The following PCDHA2 variants were observed in gnomAD, a reference collection of about 807,000 sequenced individuals.
PCDHA2 encodes protocadherin alpha-2.
Under a neutral mutation model 66.0 loss-of-function variants are expected in PCDHA2, and 58 were observed. That is an observed-to-expected ratio of 0.88 (90% CI 0.71 to 1.09). The LOEUF (loss-of-function observed/expected upper bound fraction) is 1.09, where lower values mean the gene tolerates loss of function less well. Among genes scored for constraint, PCDHA2 ranks in the 50% least tolerant of loss-of-function variants. PCDHA2 has a pLI of 0.00. For missense variants in PCDHA2, 1,267 were observed against 1,242.3 expected (o/e 1.02, Z -0.30); for synonymous variants, 634 against 554.0 (o/e 1.14, Z -2.03).
intron 1 of PCDHA2, chr5:140,848,990 C>T (rs2150428004): frequency 4.4e-6 from 7 of 1,597,248 alleles, no homozygotes; most frequent in Middle Eastern, 1.7e-4. Flanking sequence ...TCGGGGAGAA[C>T]GCCCTGCTCA....
In PCDHA2 at chr5:141,010,350, G is replaced by A; in HGVS notation, c.*413G>A. The A allele has an allele frequency of 6.6e-7, 1 of 1,515,722 alleles. No individual in the cohort carries two copies. Among genetic ancestry groups the A allele is most frequent in the Non-Finnish European group, 8.8e-7 (1 of 1,132,152 alleles). The allele number at this position is 1,515,722 out of a possible 1,614,324, so 93.9% of individuals were successfully genotyped here. A position where few individuals can be genotyped will look rare whatever the true frequency, so the allele number is the denominator to read the frequency against. ...GGGAGTTTGTGGCCACTGGGTATGT[G>A]TGGCTACCGCGGGTATGCGAGTGCC... is the stretch of plus-strand genomic sequence containing the variant. On this transcript the variant is annotated 3_prime_UTR_variant, in exon 4 of 4. Transcript: ENST00000526136.
chr5:140,858,074 A>T (rs782716439), intron 1 of PCDHA2: 3 of 1,597,640 alleles, frequency 1.9e-6, no homozygotes, highest in Middle Eastern at 1.7e-4. Context: ...CCAGGCACCC[A>T]AGGCCTCGTC....
chr5:140,833,591 A>G (rs1562331795), intron 1 of PCDHA2, among the ~76,000 whole-genome samples: 1 of 152,352 alleles, frequency 6.6e-6, no homozygotes, highest in East Asian at 1.9e-4. Context: ...AACAGTATAT[A>G]TAGATTCTGC....
chr5:140,842,623 G>C, intron 1 of PCDHA2: 1 of 1,579,148 alleles, frequency 6.3e-7, no homozygotes, highest in Non-Finnish European at 8.6e-7. Context: ...GCTCGCCTTC[G>C]CTGTGGGCCA....
intron 1 of PCDHA2, chr5:140,828,856 A>G (rs2150159802): frequency 6.2e-7 from 1 of 1,614,138 alleles, no homozygotes; most frequent in Non-Finnish European, 8.5e-7. Flanking sequence ...TCGAAAATGC[A>G]GACAACGGAA....
At chr5:140,998,287 G>A (rs1209811850) in intron 3 of PCDHA2, among the ~76,000 whole-genome samples, 3 of 152,154 alleles carry the variant, frequency 2.0e-5, no homozygotes, top group Non-Finnish European at 4.4e-5. Flanking sequence ...GATTAAATCA[G>A]ATCACACATT....
At chr5:140,955,716 A>G (rs2095221843) in intron 1 of PCDHA2, among the ~76,000 whole-genome samples, 1 of 152,220 alleles carries the variant, frequency 6.6e-6, no homozygotes, top group African/African-American at 2.4e-5. Flanking sequence ...TAATAGGAAT[A>G]CCATTGAATC....
chr5:140,850,004 G>C lies in PCDHA2; in HGVS notation c.2388+52652G>C. On this transcript the variant is annotated intron_variant, in intron 1 of 3. Transcript: ENST00000526136. Reference sequence around the variant, plus strand: ...TGGAGCGGCGGTTGGGCGAGCGCTCGCTGTCGAGCTACGTGTCAGTGCACG... The same window carrying C: ...TGGAGCGGCGGTTGGGCGAGCGCTCCCTGTCGAGCTACGTGTCAGTGCACG... 3 of 1,596,990 alleles carry C rather than the reference G, an allele frequency of 1.9e-6. 1 individual carries two copies. Among genetic ancestry groups the C allele is most frequent in the Non-Finnish European group, 2.6e-6 (3 of 1,167,858 alleles).
intron 3 of PCDHA2, among the ~76,000 whole-genome samples, chr5:141,003,892 C>T (rs1401621234): frequency 6.6e-6 from 1 of 152,124 alleles, no homozygotes; most frequent in South Asian, 2.1e-4. Context: ...TCTTAACAGG[C>T]CCATTCATTT....
chr5:140,843,487 G>C, intron 1 of PCDHA2: 1 of 1,596,050 alleles, frequency 6.3e-7, no homozygotes, highest in Non-Finnish European at 8.6e-7. Context: ...CTGCGCTGCG[G>C]TGCTCAGCAC....
rs782019485 is a variant in PCDHA2, at chr5:140,808,219, C to G, written c.2388+10867C>G. Reference sequence around the variant, plus strand: ...TTATTGTGGAAGTAGAAGACAACAACGATAATGTCCCAGATTTGGAATTCA... The same window carrying G: ...TTATTGTGGAAGTAGAAGACAACAAGGATAATGTCCCAGATTTGGAATTCA... On this transcript the variant is annotated intron_variant, in intron 1 of 3. Transcript: ENST00000526136. 6 of 1,614,194 alleles carry G rather than the reference C, an allele frequency of 3.7e-6. No homozygotes were observed. The Admixed American group carries it at 1.0e-4, about 27-fold the overall frequency.
chr5:140,820,306 A>G (rs1157181191), intron 1 of PCDHA2, among the ~76,000 whole-genome samples: 3 of 152,010 alleles, frequency 2.0e-5, no homozygotes, highest in Non-Finnish European at 2.9e-5. Flanking sequence ...TTCTATGACA[A>G]TATCTTGTTT....
intron 1 of PCDHA2, chr5:140,807,788 G>T: frequency 6.2e-7 from 1 of 1,614,142 alleles, no homozygotes; most frequent in Non-Finnish European, 8.5e-7. Context: ...GAAATCTTTA[G>T]ACAGAGAAGA....
rs782141581 is a variant in PCDHA2 at position 140,857,357 on chromosome 5, A to G, written c.2388+60005A>G. On this transcript the variant is annotated intron_variant, in intron 1 of 3. Coordinates refer to ENST00000526136, the MANE Select transcript of PCDHA2 (RefSeq NM_018905.3). ...CGGGGGCTCGCCTCCGCTGTGGGCC[A>G]CGGCCAGCGTGTCTGTGGAGGTGGC... 29 of 1,598,430 alleles carry G rather than the reference A, an allele frequency of 1.8e-5. 3 individuals are homozygous for G. Among genetic ancestry groups the G allele is most frequent in the Non-Finnish European group, 2.5e-5 (29 of 1,167,908 alleles).
At chr5:140,877,869 T>G (rs782747532) in intron 1 of PCDHA2, 1 of 1,488,856 alleles carries the variant, frequency 6.7e-7, no homozygotes, top group African/African-American at 1.4e-5. Context: ...TAGATATATT[T>G]GTTTCCTTGA....
chr5:140,931,914 A>G (rs1374173998), intron 1 of PCDHA2, among the ~76,000 whole-genome samples: 2 of 151,960 alleles, frequency 1.3e-5, no homozygotes, highest in Non-Finnish European at 2.9e-5. Context: ...AAAGCATGAC[A>G]TTTAACAATG....
At chr5:140,949,826 T>G (rs954476311) in intron 1 of PCDHA2, among the ~76,000 whole-genome samples, 2 of 151,922 alleles carry the variant, frequency 1.3e-5, no homozygotes, top group Non-Finnish European at 2.9e-5. Flanking sequence ...ATTTGTCCCC[T>G]CTGATTTTGT....
intron 1 of PCDHA2, chr5:140,966,244 G>C (rs1302762597): frequency 3.2e-6 from 1 of 315,708 alleles, no homozygotes; most frequent in Non-Finnish European, 5.7e-6. Context: ...CGTTAAGCAG[G>C]GGAGAGACGG....
At chr5:140,950,860 G>A (rs529625926) in intron 1 of PCDHA2, among the ~76,000 whole-genome samples, 25 of 151,860 alleles carry the variant, frequency 1.6e-4, no homozygotes, top group African/African-American at 5.8e-4. Context: ...TCATATTCTT[G>A]TATATTCTAT....
Sources: allele counts gnomAD v4.1 joint callset (sites outside exome capture counted in the v4.1 genomes callset), GRCh38; gene constraint gnomAD v4.1.1; transcripts MANE v1.5; gene names NCBI Gene and HGNC (gene_info 2026-07-23, HGNC 2026-07-21).